The following PCSK2 variants were observed in gnomAD, a reference collection of about 807,000 sequenced individuals.
PCSK2 encodes neuroendocrine convertase 2.
A neutral mutation model predicts 69.7 loss-of-function variants in PCSK2; 14 were observed. The observed-to-expected ratio is 0.20, with a 90% CI of 0.13 to 0.31. The LOEUF (loss-of-function observed/expected upper bound fraction) is 0.31. Among genes scored for constraint, PCSK2 ranks in the 10% least tolerant of loss-of-function variants. PCSK2 has a pLI of 1.00. For synonymous variants in PCSK2, 307 were observed against 320.7 expected (o/e 0.96, Z 0.46); for missense variants, 544 against 842.5 (o/e 0.65, Z 4.39).
chr20:17,476,328 G>C (rs999830976), intron 11 of PCSK2, among the ~76,000 whole-genome samples: 1 of 152,140 alleles, frequency 6.6e-6, no homozygotes, highest in Admixed American at 6.5e-5. Context: ...CAGTACAGAC[G>C]CAACCAGCCA....
chr20:17,404,747 G>T (rs1268431820), intron 5 of PCSK2, among the ~76,000 whole-genome samples: 2 of 152,210 alleles, frequency 1.3e-5, no homozygotes, highest in African/African-American at 2.4e-5. Context: ...CTATAGTGTG[G>T]GCTATCAGAG....
intron 5 of PCSK2, among the ~76,000 whole-genome samples, chr20:17,394,676 GA>G (rs1156517732): frequency 6.6e-6 from 1 of 152,192 alleles, no homozygotes; most frequent in African/African-American, 2.4e-5. Flanking sequence ...TCCTTCCCAA[GA>G]AACCAGTGTC....
At chr20:17,401,714 G>A (rs1016659697) in intron 5 of PCSK2, among the ~76,000 whole-genome samples, 1 of 152,140 alleles carries the variant, frequency 6.6e-6, no homozygotes, top group African/African-American at 2.4e-5. Flanking sequence ...TAGCATACCG[G>A]CAACAACCCT....
chr20:17,389,129 A>T (rs574171970), intron 5 of PCSK2, among the ~76,000 whole-genome samples: 172 of 152,324 alleles, frequency 1.1e-3, no homozygotes, highest in South Asian at 2.7e-3. Context: ...CTATTTTAAT[A>T]GGTAGTTTTA....
chr20:17,421,045 C>T (rs1296292749), intron 6 of PCSK2, among the ~76,000 whole-genome samples: 1 of 152,236 alleles, frequency 6.6e-6, no homozygotes, highest in Non-Finnish European at 1.5e-5. Context: ...ACCCACCTTT[C>T]TCAGACATCT....
chr20:17,404,901 G>A (rs545367081), intron 5 of PCSK2, among the ~76,000 whole-genome samples: 2 of 152,194 alleles, frequency 1.3e-5, no homozygotes, highest in African/African-American at 2.4e-5. Flanking sequence ...CAAAAGCAGC[G>A]ACTGGCAATT....
At chr20:17,290,075 G>A (rs1988647295) in intron 2 of PCSK2, among the ~76,000 whole-genome samples, 1 of 152,230 alleles carries the variant, frequency 6.6e-6, no homozygotes, top group Non-Finnish European at 1.5e-5. Context: ...GCAGGTCAGA[G>A]ATGGCATCTT....
intron 1 of PCSK2, among the ~76,000 whole-genome samples, chr20:17,228,837 A>T (rs1376681769): frequency 6.6e-6 from 1 of 152,160 alleles, no homozygotes; most frequent in Non-Finnish European, 1.5e-5. Context: ...GAGGTCTGGG[A>T]AGAGGCTCTG....
intron 2 of PCSK2, among the ~76,000 whole-genome samples, chr20:17,299,959 G>C (rs1600465601): frequency 6.6e-6 from 1 of 152,154 alleles, no homozygotes; most frequent in East Asian, 1.9e-4. Context: ...TCTTCTTAGA[G>C]TCTAGGGATG....
intron 2 of PCSK2, among the ~76,000 whole-genome samples, chr20:17,318,919 A>G (rs907778590): frequency 6.6e-6 from 1 of 152,228 alleles, no homozygotes; most frequent in African/African-American, 2.4e-5. Flanking sequence ...AGCTGCAATC[A>G]GAAATGGGGG....
At chr20:17,416,465 C>T (rs971171668) in intron 6 of PCSK2, among the ~76,000 whole-genome samples, 15 of 152,172 alleles carry the variant, frequency 9.9e-5, no homozygotes, top group South Asian at 4.1e-4. Flanking sequence ...ATCAAAACCA[C>T]AATGAGATAC....
chr20:17,334,697 A>G (rs1362213045), intron 2 of PCSK2, among the ~76,000 whole-genome samples: 1 of 152,224 alleles, frequency 6.6e-6, no homozygotes, highest in East Asian at 1.9e-4. Context: ...TCCTGCTCTG[A>G]GAGAAGTAGA....
rs139905074 is a variant in PCSK2, at chr20:17,460,163, T to C, written c.1202+3715T>C. ...AGACGTGCTGGAACTCCAGCCACCATGTTTACATTTCAGGCAGGAAAAGGA... is the reference window on the plus strand; with the variant it reads ...AGACGTGCTGGAACTCCAGCCACCACGTTTACATTTCAGGCAGGAAAAGGA... On this transcript the variant is annotated intron_variant, in intron 10 of 11. Transcript: ENST00000262545. Among the ~76,000 whole-genome samples the C allele has an allele frequency of 5.0e-3, 766 of 151,750 alleles. 6 individuals carry two copies. The highest frequency in any genetic ancestry group is 0.018 in the African/African-American group (724 of 41,316).
At chr20:17,232,622 C>T (rs1732618826) in intron 1 of PCSK2, among the ~76,000 whole-genome samples, 2 of 151,896 alleles carry the variant, frequency 1.3e-5, no homozygotes, top group Admixed American at 6.6e-5. Flanking sequence ...TATTTGATAC[C>T]ACCCATTTAA....
intron 2 of PCSK2, among the ~76,000 whole-genome samples, chr20:17,294,782 G>C (rs1484166451): frequency 6.6e-6 from 1 of 152,092 alleles, no homozygotes; most frequent in African/African-American, 2.4e-5. Context: ...CATTCAGTGA[G>C]AGTTAACAAT....
intron 5 of PCSK2, among the ~76,000 whole-genome samples, chr20:17,390,452 C>T (rs759487873): frequency 1.3e-5 from 2 of 152,120 alleles, no homozygotes; most frequent in Non-Finnish European, 2.9e-5. Context: ...GCAAAAGAGC[C>T]AGTTTAGAAA....
chr20:17,433,858 C>T (rs2032424522), intron 7 of PCSK2, among the ~76,000 whole-genome samples: 1 of 103,406 alleles, frequency 9.7e-6, no homozygotes, highest in Non-Finnish European at 2.0e-5. Flanking sequence ...TCCTCCCTCT[C>T]TCCCTCTCTC....
At chr20:17,399,957 CA>C (rs2031598728) in intron 5 of PCSK2, among the ~76,000 whole-genome samples, 1 of 152,122 alleles carries the variant, frequency 6.6e-6, no homozygotes, top group African/African-American at 2.4e-5. Context: ...CCATTGAAAT[CA>C]GGAGAATTAA....
chr20:17,396,282 G>A (rs1035322248), intron 5 of PCSK2, among the ~76,000 whole-genome samples: 1 of 152,112 alleles, frequency 6.6e-6, no homozygotes, highest in South Asian at 2.1e-4. Context: ...GGCTTCAATT[G>A]TACTTTGAGC....
Sources: allele counts gnomAD v4.1 joint callset (sites outside exome capture counted in the v4.1 genomes callset), GRCh38; gene constraint gnomAD v4.1.1; transcripts MANE v1.5; gene names NCBI Gene and HGNC (gene_info 2026-07-23, HGNC 2026-07-21).